The following NBEA variants were observed in gnomAD, a reference collection of about 807,000 sequenced individuals.
The protein encoded by NBEA is lysosomal-trafficking regulator 2.
Under a neutral mutation model 343.4 loss-of-function variants are expected in NBEA, and 44 were observed. The ratio of observed to expected loss-of-function variants is 0.13; its 90% CI spans 0.10 to 0.16. NBEA has a LOEUF of 0.16. Among genes scored for constraint, NBEA ranks in the 10% least tolerant of loss-of-function variants. NBEA has a pLI of 1.00. For synonymous variants in NBEA, 1,175 were observed against 1,238.7 expected (o/e 0.95, Z 1.08); for missense variants, 2,555 against 3,631.3 (o/e 0.70, Z 7.62).
At chr13:35,475,407 C>T (rs1418831328) in intron 41 of NBEA, 8 of 1,613,590 alleles carry the variant, frequency 5.0e-6, no homozygotes, top group Admixed American at 1.7e-5. Context: ...TTCTGCAGCC[C>T]CCCATCTGCA....
chr13:35,585,008 C>A (rs949882320), intron 46 of NBEA, among the ~76,000 whole-genome samples: 4 of 151,126 alleles, frequency 2.6e-5, no homozygotes, highest in African/African-American at 7.3e-5. Context: ...GCTCTCCCCC[C>A]CTCCCTCATT....
At chr13:35,479,240 T>C (rs2076020084) in intron 41 of NBEA, among the ~76,000 whole-genome samples, 2 of 152,178 alleles carry the variant, frequency 1.3e-5, no homozygotes, top group African/African-American at 4.8e-5. Flanking sequence ...GAGCTGAAGG[T>C]GATTTACATA....
intron 55 of NBEA, among the ~76,000 whole-genome samples, chr13:35,662,688 ACT>A (rs2085156603): frequency 6.6e-6 from 1 of 152,172 alleles, no homozygotes. Flanking sequence ...AATATTTTAA[ACT>A]CTCTAAATCA....
intron 41 of NBEA, among the ~76,000 whole-genome samples, chr13:35,512,088 A>C (rs868792245): frequency 2.0e-5 from 3 of 152,214 alleles, no homozygotes; most frequent in Non-Finnish European, 2.9e-5. Flanking sequence ...GTCTAAAAGA[A>C]CTCATCAAAC....
chr13:35,172,132 A>G (rs1289301797), intron 26 of NBEA, among the ~76,000 whole-genome samples: 6 of 152,094 alleles, frequency 3.9e-5, no homozygotes, highest in Admixed American at 3.9e-4. Context: ...AAGGCATGAA[A>G]TAGGAAGGAC....
intron 1 of NBEA, among the ~76,000 whole-genome samples, chr13:35,012,561 G>A (rs1005512813): frequency 2.0e-5 from 3 of 152,126 alleles, no homozygotes; most frequent in East Asian, 1.9e-4. Context: ...TGAGATAGGC[G>A]GTGTTATTCT....
intron 17 of NBEA, among the ~76,000 whole-genome samples, chr13:35,125,436 G>A (rs1810652583): frequency 6.6e-6 from 1 of 152,208 alleles, no homozygotes; most frequent in African/African-American, 2.4e-5. Flanking sequence ...CATATATCAT[G>A]CCTGATAGCA....
At chr13:34,998,351 G>C (rs138802565) in intron 1 of NBEA, among the ~76,000 whole-genome samples, 6,961 of 152,248 alleles carry the variant, frequency 0.046, 237 homozygotes, top group Non-Finnish European at 0.067. Context: ...GTTTCAGGCA[G>C]GCATTGTCAT....
chr13:35,634,339 T>C (rs911409891), intron 49 of NBEA, among the ~76,000 whole-genome samples: 2 of 152,072 alleles, frequency 1.3e-5, no homozygotes, highest in Non-Finnish European at 2.9e-5. Flanking sequence ...TGAGACTATC[T>C]GAAAAAAAAG....
intron 1 of NBEA, among the ~76,000 whole-genome samples, chr13:35,002,132 C>T (rs1231691132): frequency 6.6e-6 from 1 of 152,060 alleles, no homozygotes; most frequent in Non-Finnish European, 1.5e-5. Context: ...AAAAAGGTAC[C>T]CTCAGAATGG....
chr13:35,208,945 T>C, intron 32 of NBEA, 91 bp downstream of exon 32: 1 of 951,256 alleles, frequency 1.1e-6, no homozygotes, highest in Non-Finnish European at 1.5e-6. Context: ...TAAAATACCC[T>C]AATCATTTAA....
chr13:35,169,320 TGA>T (rs1402290075), intron 25 of NBEA, among the ~76,000 whole-genome samples: 2 of 151,586 alleles, frequency 1.3e-5, no homozygotes, highest in Non-Finnish European at 3.0e-5. Flanking sequence ...AATAATTGTA[TGA>T]GAGTGATCTT....
At chr13:35,532,223 T>C (rs1196782705) in intron 41 of NBEA, among the ~76,000 whole-genome samples, 2 of 152,194 alleles carry the variant, frequency 1.3e-5, no homozygotes, top group Non-Finnish European at 2.9e-5. Context: ...TTCATGGTCA[T>C]TTATTAGTGG....
chr13:35,545,802 A>G (rs7329136), intron 41 of NBEA, among the ~76,000 whole-genome samples: 132,917 of 152,128 alleles, frequency 0.87, 59,411 homozygotes, highest in East Asian at 1. Flanking sequence ...GTTCCATGGT[A>G]GTGCAAATTA....
rs377191497 is a variant in NBEA at position 35,221,353 on chromosome 13, AC to A, written c.5648+10175del. On this transcript the variant is annotated intron_variant, in intron 33 of 58. Coordinates refer to ENST00000379939, the MANE Select transcript of NBEA (RefSeq NM_001385012.1). ...GTGAGACACTATTTCAAAAAAAAAA[AC>A]AAAAAACTAAAAAAACTTCCAATTG... 2.4e-3 allele frequency among the ~76,000 whole-genome samples: 360 copies of A among 151,482 alleles called. 2 individuals are homozygous for A. Among genetic ancestry groups the A allele is most frequent in the African/African-American group, 7.9e-3 (325 of 41,268 alleles).
chr13:35,309,424 A>G, intron 35 of NBEA, 104 bp from the exon 36 acceptor site: 1 of 643,266 alleles, frequency 1.6e-6, no homozygotes, highest in East Asian at 3.2e-5. Flanking sequence ...TTTGGAAATA[A>G]TATAATGTGG....
chr13:35,210,988 G>T (rs939915213), intron 32 of NBEA, 65 bp from the exon 33 acceptor site: 2 of 1,460,118 alleles, frequency 1.4e-6, no homozygotes, highest in Admixed American at 4.5e-5. Context: ...AGATAGTAAT[G>T]GTGTAATTAA....
chr13:35,104,340 A>G (rs934786534), intron 11 of NBEA, among the ~76,000 whole-genome samples: 2 of 151,840 alleles, frequency 1.3e-5, no homozygotes, highest in African/African-American at 4.8e-5. Context: ...CATGTTTTAT[A>G]TTTTTTACTA....
chr13:35,402,234 T>C (rs1327194818), intron 38 of NBEA, among the ~76,000 whole-genome samples: 1 of 152,022 alleles, frequency 6.6e-6, no homozygotes, highest in Non-Finnish European at 1.5e-5. Context: ...TCTGTTATGC[T>C]GATCTTTAGA....
Sources: allele counts gnomAD v4.1 joint callset (sites outside exome capture counted in the v4.1 genomes callset), GRCh38; gene constraint gnomAD v4.1.1; transcripts MANE v1.5; gene names NCBI Gene and HGNC (gene_info 2026-07-23, HGNC 2026-07-21).